DPYD: variants seen among roughly 807,000 people sequenced by gnomAD.
DPYD encodes dihydropyrimidine dehydrogenase [NADP(+)].
DPYD carries 109 observed loss-of-function variants against 116.2 expected under a neutral mutation model. The ratio of observed to expected loss-of-function variants is 0.94; its 90% confidence interval spans 0.80 to 1.10. The LOEUF is 1.10. DPYD is among the 50% of genes least tolerant of loss of function. The probability of loss-of-function intolerance (pLI) is 0.00; values close to 1 mark genes in which losing one functional copy is unlikely to be tolerated. For synonymous variants in DPYD, 440 were observed against 432.0 expected (o/e 1.02, Z -0.23); for missense variants, 1,302 against 1,254.5 (o/e 1.04, Z -0.57).
intron 18 of DPYD, among the ~76,000 whole-genome samples, chr1:97,276,679 A>AC (rs1199031810): frequency 6.7e-6 from 1 of 148,602 alleles, no homozygotes; most frequent in Non-Finnish European, 1.5e-5. Context: ...TCTGTCTCAA[A>AC]AAAAAAAAAA....
In DPYD at chr1:97,798,289, A is replaced by T. The variant is rs140527521; in HGVS notation, c.233+29825T>A. Among the ~76,000 whole-genome samples the T allele has an allele frequency of 9.7e-4, 148 of 152,168 alleles. 1 individual carries two copies. The highest frequency in any genetic ancestry group is 3.5e-3 in the African/African-American group (145 of 41,548). ...TCTGAATTGTTATAGAAAATTAAAAATGTGAACTATGAAATTAATTTTTAA... is the reference window on the plus strand; with the variant it reads ...TCTGAATTGTTATAGAAAATTAAAATTGTGAACTATGAAATTAATTTTTAA... On this transcript the variant is annotated intron_variant, in intron 3 of 22. Transcript: ENST00000370192.
intron 18 of DPYD, among the ~76,000 whole-genome samples, chr1:97,281,416 A>G (rs1404191060): frequency 1.3e-5 from 2 of 151,890 alleles, no homozygotes; most frequent in Non-Finnish European, 2.9e-5. Context: ...ATATAAATAT[A>G]TATATGGATG....
rs541329247 is a variant in DPYD at position 97,477,653 on chromosome 1, G to T, written c.1741-27430C>A. ...TTTTAAGACGGAGTCTCGCTCTGTC[G>T]CCCAGGCCGGACTGCGGACTGCAGT... On this transcript the variant is annotated intron_variant, in intron 13 of 22. Coordinates refer to ENST00000370192, the MANE Select transcript of DPYD (RefSeq NM_000110.4). Among the ~76,000 whole-genome samples the T allele has an allele frequency of 1.3e-4, 17 of 131,308 alleles. 1 individual carries two copies. In the South Asian group the frequency reaches 2.1e-3, roughly 16 times the overall value. 86.1% of individuals were successfully genotyped at this position (131,308 alleles called of 152,430 possible).
chr1:97,807,110 C>G (rs1668112235), intron 3 of DPYD, among the ~76,000 whole-genome samples: 1 of 151,998 alleles, frequency 6.6e-6, no homozygotes, highest in African/African-American at 2.4e-5. Context: ...ATGAATAAAA[C>G]TGCAGTAAAC....
rs150113141 is a variant in DPYD at position 97,731,234 on chromosome 1, T to C, written c.321+9158A>G. ...GACGAGAATATGAGCAATTCCTTAA[T>C]TGACAGACTGTTGTGATGCATAGTA... On this transcript the variant is annotated intron_variant, in intron 4 of 22. Transcript: ENST00000370192. 5.3e-5 allele frequency among the ~76,000 whole-genome samples: 8 copies of C among 152,170 alleles called. No individual in the cohort carries two copies. In the East Asian group the frequency reaches 9.6e-4, roughly 18 times the overall value.
chr1:97,474,975 G>A (rs553430304), intron 13 of DPYD, among the ~76,000 whole-genome samples: 1 of 151,900 alleles, frequency 6.6e-6, no homozygotes, highest in Non-Finnish European at 1.5e-5. Context: ...GTAAAAAGAA[G>A]AACACAGGTC....
chr1:97,911,813 T>C (rs1673952063), intron 1 of DPYD, among the ~76,000 whole-genome samples: 1 of 152,042 alleles, frequency 6.6e-6, no homozygotes, highest in South Asian at 2.1e-4. Flanking sequence ...TCATTCTAGA[T>C]AACAACCTGA....
chr1:97,843,025 C>A (rs374929472), intron 2 of DPYD, among the ~76,000 whole-genome samples: 96 of 152,086 alleles, frequency 6.3e-4, no homozygotes, highest in African/African-American at 2.1e-3. Flanking sequence ...TTATAAGAAC[C>A]CTTCATCCTT....
chr1:97,384,691 C>G (rs2101575906), intron 14 of DPYD, among the ~76,000 whole-genome samples: 1 of 151,980 alleles, frequency 6.6e-6, no homozygotes, highest in South Asian at 2.1e-4. Context: ...AAAAAATAAT[C>G]AGATATTAAA....
intron 20 of DPYD, among the ~76,000 whole-genome samples, chr1:97,100,091 T>C (rs747077700): frequency 6.6e-6 from 1 of 152,124 alleles, no homozygotes; most frequent in Non-Finnish European, 1.5e-5. Context: ...TATTTAATTG[T>C]TGCAGTAATA....
chr1:97,426,160 C>T (rs1222143687), intron 14 of DPYD, among the ~76,000 whole-genome samples: 5 of 151,602 alleles, frequency 3.3e-5, no homozygotes, highest in Middle Eastern at 3.4e-3. Context: ...AAAGGAGGTA[C>T]GAGGCAAGAG....
At chr1:97,764,510 T>C (rs1030660866) in intron 3 of DPYD, among the ~76,000 whole-genome samples, 4 of 152,112 alleles carry the variant, frequency 2.6e-5, no homozygotes, top group Admixed American at 2.0e-4. Context: ...TTAGCATTTG[T>C]CTTTCAGTTC....
intron 10 of DPYD, among the ~76,000 whole-genome samples, chr1:97,578,335 AG>A (rs1444005501): frequency 6.6e-6 from 1 of 152,166 alleles, no homozygotes; most frequent in South Asian, 2.1e-4. Context: ...ACAAAAAAAA[AG>A]TATTTAGCTT....
chr1:97,504,138 C>A (rs1490367595), intron 13 of DPYD, among the ~76,000 whole-genome samples: 1 of 151,914 alleles, frequency 6.6e-6, no homozygotes, highest in East Asian at 1.9e-4. Context: ...TTATATGAGT[C>A]CCACTGTCAT....
intron 3 of DPYD, among the ~76,000 whole-genome samples, chr1:97,821,740 T>A (rs1336628426): frequency 6.6e-6 from 1 of 152,190 alleles, no homozygotes; most frequent in African/African-American, 2.4e-5. Flanking sequence ...ACTTCTCCAT[T>A]GAATTCCATT....
At chr1:97,691,549 C>T (rs1661007607) in intron 7 of DPYD, 168 bp downstream of exon 7, 1 of 597,952 alleles carries the variant, frequency 1.7e-6, no homozygotes, top group Non-Finnish European at 3.0e-6. Context: ...GGCATTCAGA[C>T]AGTAGACAGA....
At chr1:97,748,011 T>C (rs990368172) in intron 3 of DPYD, among the ~76,000 whole-genome samples, 6 of 152,200 alleles carry the variant, frequency 3.9e-5, no homozygotes, top group Admixed American at 3.3e-4. Context: ...AACTTATATA[T>C]TGCTTTCTCT....
chr1:97,180,406 CAG>C (rs1482756355), intron 20 of DPYD, among the ~76,000 whole-genome samples: 1 of 151,956 alleles, frequency 6.6e-6, no homozygotes, highest in Non-Finnish European at 1.5e-5. Context: ...CTCAAAATTG[CAG>C]AGAGGTATTT....
chr1:97,597,295 G>T (rs530478809), intron 8 of DPYD, among the ~76,000 whole-genome samples: 9 of 152,218 alleles, frequency 5.9e-5, no homozygotes, highest in Non-Finnish European at 1.2e-4. Flanking sequence ...CCTCTACCTG[G>T]GTGACAGGTC....
Sources: allele counts gnomAD v4.1 joint callset (sites outside exome capture counted in the v4.1 genomes callset), GRCh38; gene constraint gnomAD v4.1.1; transcripts MANE v1.5; gene names NCBI Gene and HGNC (gene_info 2026-07-23, HGNC 2026-07-21).